The following NCKAP5 variants were observed in gnomAD, a reference collection of about 807,000 sequenced individuals.
The protein encoded by NCKAP5 is nck-associated protein 5.
In NCKAP5, 92 loss-of-function variants were observed where a neutral mutation model predicts 167.0. That is an observed-to-expected ratio of 0.55 (90% CI 0.47 to 0.66). NCKAP5 has a LOEUF of 0.66. NCKAP5 is among the 30% of genes least tolerant of loss of function. NCKAP5 has a pLI of 0.00. For synonymous variants in NCKAP5, 891 were observed against 877.4 expected, an observed-to-expected ratio of 1.02 and a Z score of -0.27; for missense variants, 2,378 against 2,315.0, an observed-to-expected ratio of 1.03 and a Z score of -0.56.
At chr2:133,287,897 C>T (rs113035398) in intron 4 of NCKAP5, among the ~76,000 whole-genome samples, 4,062 of 152,130 alleles carry the variant, frequency 0.027, 162 homozygotes, top group African/African-American at 0.088. Context: ...TTAGTAGGGA[C>T]GTGTGTGGTT....
intron 8 of NCKAP5, among the ~76,000 whole-genome samples, chr2:132,897,639 A>G (rs1429275396): frequency 4.6e-5 from 7 of 152,174 alleles, no homozygotes; most frequent in Non-Finnish European, 1.0e-4. Flanking sequence ...CATGAGTTTG[A>G]TCATGGATTC....
the NCKAP5 span, among the ~76,000 whole-genome samples, chr2:133,621,409 A>G: frequency 6.6e-6 from 1 of 152,212 alleles, no homozygotes; most frequent in East Asian, 1.9e-4. Flanking sequence ...AAGAAGATCC[A>G]AATAAGCTCA....
the NCKAP5 span, among the ~76,000 whole-genome samples, chr2:133,600,343 AGAG>A: frequency 0.62 from 93,514 of 151,678 alleles, 30,258 homozygotes; most frequent in East Asian, 0.94. Context: ...CAAGGGAGAG[AGAG>A]AAGAGGAAAG....
At position 132,785,309 on chromosome 2, in the gene NCKAP5, C is replaced by T. The variant is rs551753849; in HGVS notation, c.1502G>A (p.Ser501Asn). ...GTCGGAAACACTGTGGGTTAATTTA[C>T]TGCCATGTGGCCTGCAGCTCTGGTT... ...VPNQSCRPHG[S>N]KLTHSVSDSL... The change falls in exon 14 of 20, where the codon AGT becomes AAT. Residue 501 changes from serine (S) to asparagine (N), a missense_variant. Transcript: ENST00000409261. 6.2e-7 allele frequency: 1 copy of T among 1,608,516 alleles called. No individual in the cohort carries two copies. The highest frequency in any genetic ancestry group is 1.1e-5 in the South Asian group (1 of 90,176).
chr2:133,032,187 C>T (rs1370319154), intron 6 of NCKAP5, among the ~76,000 whole-genome samples: 1 of 152,142 alleles, frequency 6.6e-6, no homozygotes, highest in Non-Finnish European at 1.5e-5. Flanking sequence ...AGTTTTAGGA[C>T]TTGACTCTTG....
the NCKAP5 span, among the ~76,000 whole-genome samples, chr2:133,657,556 G>A: frequency 3.0e-4 from 46 of 152,086 alleles, no homozygotes; most frequent in African/African-American, 9.4e-4. Context: ...CTACTTTCTC[G>A]GAAAAGTCAA....
Position 132,944,615 on chromosome 2 carries a change from G to T in NCKAP5, c.579+19105C>A, listed in dbSNP as rs183614075. On this transcript the variant is annotated intron_variant, in intron 8 of 19. Transcript: ENST00000409261. ...CTCGACCTCACCACGATGTTGCTATGGGCTACTTTGGGAAGTAGGGAGTTT... is the reference window on the plus strand; with the variant it reads ...CTCGACCTCACCACGATGTTGCTATTGGCTACTTTGGGAAGTAGGGAGTTT... 2.8e-4 allele frequency among the ~76,000 whole-genome samples: 43 copies of T among 152,212 alleles called. No homozygotes were observed. In the East Asian group the frequency reaches 6.0e-3, roughly 21 times the overall value.
chr2:133,649,374 C>T, the NCKAP5 span, among the ~76,000 whole-genome samples: 1 of 151,680 alleles, frequency 6.6e-6, no homozygotes, highest in East Asian at 1.9e-4. Flanking sequence ...TACTTCCAAA[C>T]TGATTTTTAT....
intron 3 of NCKAP5, among the ~76,000 whole-genome samples, chr2:133,349,970 A>G (rs1312633750): frequency 6.6e-6 from 1 of 152,210 alleles, no homozygotes; most frequent in Non-Finnish European, 1.5e-5. Flanking sequence ...CATGGCAGAG[A>G]TTTCCGTGTA....
At chr2:132,941,838 A>G (rs928394158) in intron 8 of NCKAP5, among the ~76,000 whole-genome samples, 2 of 152,226 alleles carry the variant, frequency 1.3e-5, no homozygotes, top group Non-Finnish European at 1.5e-5. Context: ...ATAATTATTG[A>G]TGAAAGAAAC....
chr2:132,849,905 A>T (rs1574415404), intron 11 of NCKAP5, among the ~76,000 whole-genome samples: 2 of 152,106 alleles, frequency 1.3e-5, no homozygotes, highest in Non-Finnish European at 1.5e-5. Flanking sequence ...TACATTTCCA[A>T]TTTATTACCC....
chr2:133,491,817 A>T (rs975415317), intron 3 of NCKAP5, among the ~76,000 whole-genome samples: 35 of 152,308 alleles, frequency 2.3e-4, no homozygotes, highest in African/African-American at 6.3e-4. Context: ...TCCCGCAGAG[A>T]CCGTTAGGTC....
chr2:132,708,689 G>C (rs551072866), intron 19 of NCKAP5, among the ~76,000 whole-genome samples: 1 of 152,222 alleles, frequency 6.6e-6, no homozygotes, highest in Non-Finnish European at 1.5e-5. Context: ...TGACCGTAGA[G>C]CGCTTCATGT....
At chr2:133,390,932 T>A (rs1482591533) in intron 3 of NCKAP5, among the ~76,000 whole-genome samples, 1 of 152,224 alleles carries the variant, frequency 6.6e-6, no homozygotes, top group Admixed American at 6.5e-5. Context: ...GCAGAGTGTA[T>A]TTATTGGTAA....
At position 132,783,495 on chromosome 2, in the gene NCKAP5, C is replaced by A; in HGVS notation, c.3316G>T (p.Gly1106Trp). 1 of 1,607,032 alleles carries A rather than the reference C, an allele frequency of 6.2e-7. No individual in the cohort carries two copies. The highest frequency in any genetic ancestry group is 8.5e-7 in the Non-Finnish European group (1 of 1,176,628). The change falls in exon 14 of 20, where the codon GGG (glycine) becomes TGG (tryptophan). Residue 1106 changes from glycine to tryptophan, a missense_variant. Coordinates refer to ENST00000409261, the MANE Select transcript of NCKAP5 (RefSeq NM_207363.3). Reference protein sequence around the residue: ...ASTPPKPSFLGVNESPSSQVS... With the variant: ...ASTPPKPSFLWVNESPSSQVS... ...TGAGATGATGGTGACTCATTTACCCCTAAGAAGGAAGGCTTGGGGGGTGTG... is the reference window on the plus strand; with the variant it reads ...TGAGATGATGGTGACTCATTTACCCATAAGAAGGAAGGCTTGGGGGGTGTG...
intron 7 of NCKAP5, among the ~76,000 whole-genome samples, chr2:132,989,805 G>A (rs1178863036): frequency 1.3e-5 from 2 of 152,174 alleles, no homozygotes; most frequent in East Asian, 3.9e-4. Context: ...TCTACCACTT[G>A]GCATTTGCGA....
rs1044858323 is a variant in NCKAP5 at position 132,800,313 on chromosome 2, C to A, written c.808-3584G>T. ...AAAATCTCATCTGAAATACTTTAAACTTCCTGTCTTTAACCTGCAAATCCC... is the reference window on the plus strand; with the variant it reads ...AAAATCTCATCTGAAATACTTTAAAATTCCTGTCTTTAACCTGCAAATCCC... On this transcript the variant is annotated intron_variant, in intron 11 of 19. Transcript: ENST00000409261. Among the ~76,000 whole-genome samples, 3 of 152,160 alleles carry A rather than the reference C, an allele frequency of 2.0e-5. No homozygotes were observed. In the South Asian group the frequency reaches 6.2e-4, roughly 31 times the overall value.
rs185906522 is a variant in NCKAP5, at chr2:132,719,019, C to A, written c.5713+6608G>T. Among the ~76,000 whole-genome samples the A allele has an allele frequency of 6.2e-3, 937 of 152,144 alleles. 14 individuals carry two copies. The highest frequency in any genetic ancestry group is 0.021 in the African/African-American group (879 of 41,496). On this transcript the variant is annotated intron_variant, in intron 19 of 19. Coordinates refer to ENST00000409261, the MANE Select transcript of NCKAP5 (RefSeq NM_207363.3). Reference sequence around the variant, plus strand: ...TGCTGGGGGTAAAGTCTGAACTGAACCTTAAAGATGAAGCAGGGGTTAAAT... The same window carrying A: ...TGCTGGGGGTAAAGTCTGAACTGAAACTTAAAGATGAAGCAGGGGTTAAAT...
chr2:132,815,998 G>T (rs1209595322), intron 11 of NCKAP5, among the ~76,000 whole-genome samples: 1 of 152,140 alleles, frequency 6.6e-6, no homozygotes, highest in Non-Finnish European at 1.5e-5. Flanking sequence ...GTGGCCAAAG[G>T]TGTCATCATA....
Sources: gnomAD v4.1 joint callset for allele counts (sites outside exome capture counted in the v4.1 genomes callset) on GRCh38, gnomAD v4.1.1 for gene constraint, MANE v1.5 for transcripts, NCBI Gene and HGNC (gene_info 2026-07-23, HGNC 2026-07-21) for gene names.